FYB2: variants seen among roughly 807,000 people sequenced by gnomAD.
FYB2 encodes FYN binding protein 2.
Under a neutral mutation model 94.1 loss-of-function variants are expected in FYB2, and 103 were observed. That is an observed-to-expected ratio of 1.09 (90% CI 0.93 to 1.29). FYB2 has a LOEUF of 1.29. FYB2 is among the 50% of genes most tolerant of loss of function. The pLI, the probability that FYB2 is intolerant of heterozygous loss-of-function variation, is 0.00. For missense variants in FYB2, 896 were observed against 841.5 expected (o/e 1.06, Z -0.80); for synonymous variants, 293 against 287.9 (o/e 1.02, Z -0.18).
chr1:56,735,332 A>T (rs1010938155), intron 15 of FYB2, among the ~76,000 whole-genome samples: 2 of 152,168 alleles, frequency 1.3e-5, no homozygotes, highest in East Asian at 1.9e-4. Context: ...AGTGGAGGAC[A>T]TTATGTTAAG....
chr1:56,732,418 C>A (rs1021891793), intron 15 of FYB2, among the ~76,000 whole-genome samples: 5 of 152,122 alleles, frequency 3.3e-5, no homozygotes, highest in African/African-American at 1.2e-4. Context: ...AGGCAATCTA[C>A]AGATTCAATG....
In FYB2 at chr1:56,814,923, G is replaced by A. The variant is rs545202284; in HGVS notation, c.9+4359C>T. Among the ~76,000 whole-genome samples the A allele has an allele frequency of 9.9e-5, 15 of 152,226 alleles. No homozygotes were observed. The South Asian group carries it at 2.3e-3, about 23-fold the overall frequency. On this transcript the variant is annotated intron_variant, in intron 1 of 19. Transcript: ENST00000343433. ...GGGTTCTGTCAAAAATAAGCCAGGC[G>A]TGACCTTGGGAACATACTGCCATCC...
chr1:56,762,250 C>G (rs1645514072), intron 5 of FYB2, among the ~76,000 whole-genome samples: 1 of 152,172 alleles, frequency 6.6e-6, no homozygotes, highest in Non-Finnish European at 1.5e-5. Context: ...TTGTCTGTAT[C>G]TGCAGAAGAT....
chr1:56,758,813 G>T, intron 5 of FYB2, 63 bp from the exon 6 acceptor site: 2 of 1,241,658 alleles, frequency 1.6e-6, no homozygotes, highest in Non-Finnish European at 2.3e-6. Flanking sequence ...ATAGCACCCA[G>T]GATTAAAGCA....
At chr1:56,734,757 A>G (rs1644794635) in intron 15 of FYB2, among the ~76,000 whole-genome samples, 3 of 152,128 alleles carry the variant, frequency 2.0e-5, no homozygotes. Flanking sequence ...GCACACATGT[A>G]TACCTGTGTA....
intron 15 of FYB2, 105 bp from the exon 16 acceptor site, chr1:56,726,688 C>T: frequency 2.3e-6 from 2 of 887,132 alleles, no homozygotes; most frequent in Non-Finnish European, 3.4e-6. Flanking sequence ...ATTAAAAAGT[C>T]ATCTAGAAAT....
At chr1:56,757,180 C>G (rs1333756711) in intron 6 of FYB2, among the ~76,000 whole-genome samples, 1 of 152,030 alleles carries the variant, frequency 6.6e-6, no homozygotes, top group Non-Finnish European at 1.5e-5. Context: ...GGATAAAATT[C>G]ATTTACTTGG....
intron 7 of FYB2, among the ~76,000 whole-genome samples, chr1:56,754,964 A>G (rs1427915092): frequency 6.6e-6 from 1 of 152,098 alleles, no homozygotes; most frequent in Non-Finnish European, 1.5e-5. Flanking sequence ...GAGAGAGAGG[A>G]AGGTAGCCCA....
At chr1:56,729,375 C>T (rs1395217547) in intron 15 of FYB2, among the ~76,000 whole-genome samples, 2 of 151,980 alleles carry the variant, frequency 1.3e-5, no homozygotes. Context: ...GGGAAAGGCA[C>T]AAGAGGAGAA....
chr1:56,720,417 C>A, intron 17 of FYB2, 88 bp from the exon 18 acceptor site: 2 of 1,200,966 alleles, frequency 1.7e-6, no homozygotes, highest in Non-Finnish European at 2.3e-6. Context: ...ATAGTAACTT[C>A]AAAATTAACT....
At chr1:56,754,566 C>T (rs1427437959) in intron 7 of FYB2, among the ~76,000 whole-genome samples, 2 of 152,126 alleles carry the variant, frequency 1.3e-5, no homozygotes, top group African/African-American at 2.4e-5. Flanking sequence ...GCAGAACTAT[C>T]TTATTCACAT....
At chr1:56,819,166 C>T in intron 1 of FYB2, 116 bp downstream of exon 1, 1 of 1,176,644 alleles carries the variant, frequency 8.5e-7, no homozygotes, top group Non-Finnish European at 1.2e-6. Context: ...CATGTTTATT[C>T]CTGCCCAGGA....
intron 1 of FYB2, among the ~76,000 whole-genome samples, chr1:56,799,250 A>T (rs1469656404): frequency 6.6e-6 from 1 of 151,816 alleles, no homozygotes; most frequent in Non-Finnish European, 1.5e-5. Flanking sequence ...TTTATTCTGC[A>T]ATAAATATAC....
rs549342214 is a variant in FYB2, at chr1:56,750,236, A to C, written c.1387+808T>G. Among the ~76,000 whole-genome samples, 7 of 152,204 alleles carry C rather than the reference A, an allele frequency of 4.6e-5. 1 individual carries two copies. In the South Asian group the frequency reaches 1.0e-3, roughly 23 times the overall value. On this transcript the variant is annotated intron_variant, in intron 9 of 19. Coordinates refer to ENST00000343433, the MANE Select transcript of FYB2 (RefSeq NM_001004303.5). ...AATAGTTACTTAATATATGATCCAG[A>C]AACTTTATATGCATTGACAAATAGC...
At chr1:56,765,382 G>A (rs549353682) in intron 5 of FYB2, among the ~76,000 whole-genome samples, 2 of 152,276 alleles carry the variant, frequency 1.3e-5, no homozygotes, top group African/African-American at 4.8e-5. Flanking sequence ...ACACTAAGTG[G>A]AATTTTATTA....
chr1:56,822,738 AC>A (rs1441490329), upstream of FYB2, among the ~76,000 whole-genome samples: 2 of 51,950 alleles, frequency 3.8e-5, no homozygotes, highest in Non-Finnish European at 7.3e-5. Context: ...GAAACAGAAT[AC>A]CCCGATGTAA....
chr1:56,813,895 G>C (rs1307810786), intron 1 of FYB2, among the ~76,000 whole-genome samples: 2 of 152,134 alleles, frequency 1.3e-5, no homozygotes, highest in Non-Finnish European at 2.9e-5. Context: ...GTAAACAGTG[G>C]AGCCAGAAAT....
intron 1 of FYB2, among the ~76,000 whole-genome samples, chr1:56,805,683 T>A (rs1646629380): frequency 6.6e-6 from 1 of 152,114 alleles, no homozygotes; most frequent in Admixed American, 6.5e-5. Flanking sequence ...AGGTACCCAG[T>A]GGGAGGTAAT....
chr1:56,805,924 C>A lies in FYB2; in HGVS notation c.10-13121G>T, dbSNP rs541732909. ...TAAACCCCTTTTGCTGTATAAATTA[C>A]CCAGTCTTTATCAGCATGTCTTTAT... On this transcript the variant is annotated intron_variant, in intron 1 of 19. Coordinates refer to ENST00000343433, the MANE Select transcript of FYB2 (RefSeq NM_001004303.5). Among the ~76,000 whole-genome samples, 16 of 152,280 alleles carry A rather than the reference C, an allele frequency of 1.1e-4. No homozygotes were observed. In the South Asian group the frequency reaches 3.3e-3, roughly 32 times the overall value.
Sources: gnomAD v4.1 joint callset for allele counts (sites outside exome capture counted in the v4.1 genomes callset) on GRCh38, gnomAD v4.1.1 for gene constraint, MANE v1.5 for transcripts, NCBI Gene and HGNC (gene_info 2026-07-23, HGNC 2026-07-21) for gene names.